The following GOLGA8J variants were observed in gnomAD, a reference collection of about 807,000 sequenced individuals.
The protein encoded by GOLGA8J is golgin subfamily A member 8J.
GOLGA8J carries 19 observed loss-of-function variants against 67.7 expected under a neutral mutation model. The ratio of observed to expected loss-of-function variants is 0.28; its 90% CI spans 0.20 to 0.41. GOLGA8J has a LOEUF of 0.41. Ranked by LOEUF, GOLGA8J falls within the 10% of genes least tolerant of loss-of-function variation. GOLGA8J has a pLI of 1.00. For synonymous variants in GOLGA8J, 69 were observed against 215.9 expected (o/e 0.32, Z 5.97); for missense variants, 205 against 584.3 (o/e 0.35, Z 6.69).
rs910068197 is a variant in GOLGA8J at position 30,092,859 on chromosome 15, G to A, written c.1470-32G>A. Reference sequence around the variant, plus strand: ...GGGGGAGCTACAGGGCCGTCGGAGGGGCCCCAGCGTCTGAGCCCTGTCCTC... The same window carrying A: ...GGGGGAGCTACAGGGCCGTCGGAGGAGCCCCAGCGTCTGAGCCCTGTCCTC... On this transcript the variant is annotated intron_variant, in intron 16 of 18. Coordinates refer to ENST00000567927, the MANE Select transcript of GOLGA8J (RefSeq NM_001282472.2). 5 of 1,385,164 alleles carry A rather than the reference G, an allele frequency of 3.6e-6. 1 individual carries two copies. The South Asian group carries it at 5.8e-5, about 16-fold the overall frequency. 85.8% of individuals were successfully genotyped at this position (1,385,164 alleles called of 1,614,324 possible). A position where few individuals can be genotyped will look rare whatever the true frequency, so the allele number is the denominator to read the frequency against.
rs375319295 is a variant in GOLGA8J at position 30,084,735 on chromosome 15, G to A, written c.49-36G>A. ...GGAGGATGTGGCTGTAGGGGCTGACGGTTCTCATGAGTATTACTGCTCTTC... is the reference window on the plus strand; with the variant it reads ...GGAGGATGTGGCTGTAGGGGCTGACAGTTCTCATGAGTATTACTGCTCTTC... On this transcript the variant is annotated intron_variant, in intron 1 of 18. Transcript: ENST00000567927. The A allele has an allele frequency of 9.4e-5, 83 of 879,616 alleles. 1 individual carries two copies. The African/African-American group carries it at 1.4e-3, about 15-fold the overall frequency. The allele number at this position is 879,616 out of a possible 1,614,324, so 54.5% of individuals were successfully genotyped here. A position where few individuals can be genotyped will look rare whatever the true frequency, so the allele number is the denominator to read the frequency against.
rs771695071 is a variant in GOLGA8J, at chr15:30,089,876, C to T, written c.1051C>T (p.Arg351Trp). 174 of 1,533,584 alleles carry T rather than the reference C, an allele frequency of 1.1e-4. 3 individuals carry two copies. In the African/African-American group the frequency reaches 1.4e-3, roughly 12 times the overall value. 95.0% of individuals were successfully genotyped at this position (1,533,584 alleles called of 1,614,324 possible). ...GATTCGGGAGCAGGAAGAGAGGCTT[C>T]GGAAGCAGGAGGAGAGGATTCAGGA... ...ERIREQEERL[R>W]KQEERIQEQH... is the part of the protein sequence containing the mutation. The change falls in exon 12 of 19, where the codon CGG (arginine) becomes TGG (tryptophan). Residue 351 changes from arginine (R) to tryptophan (W), a missense_variant. Physicochemically the swap from Arg to Trp is moderately radical, Grantham distance 101. Coordinates refer to ENST00000567927, the MANE Select transcript of GOLGA8J (RefSeq NM_001282472.2).
At position 30,092,057 on chromosome 15, in the gene GOLGA8J, A is replaced by G. The variant is rs746067336; in HGVS notation, c.1292A>G (p.His431Arg). The G allele has an allele frequency of 6.3e-7, 1 of 1,598,196 alleles. No individual in the cohort carries two copies. The highest frequency in any genetic ancestry group is 1.4e-5 in the African/African-American group (1 of 71,752). ...CCCCCCACAGGACACGGAGGAGAAC[A>G]TCTGGACAGTGAGGGGGAGGAGGCA... ...ALPGEGHGGE[H>R]LDSEGEEAPR... The change falls in exon 15 of 19, where the codon CAT (histidine) becomes CGT (arginine). Residue 431 changes from histidine (H) to arginine (R), a missense_variant. Physicochemically the swap from His to Arg is conservative, Grantham distance 29. Coordinates refer to ENST00000567927, the MANE Select transcript of GOLGA8J (RefSeq NM_001282472.2).
intron 10 of GOLGA8J, 26 bp downstream of exon 10, chr15:30,089,066 C>G (rs1349951834): frequency 2.6e-5 from 22 of 856,418 alleles, no homozygotes; most frequent in Middle Eastern, 7.1e-4. Context: ...TCAGCCCCCC[C>G]ACATTAGATA....
At chr15:30,088,594 T>G in intron 8 of GOLGA8J, 146 bp from the exon 9 acceptor site, 1 of 811,906 alleles carries the variant, frequency 1.2e-6, no homozygotes, top group South Asian at 1.6e-5. Context: ...TACTGAGTTC[T>G]TTTAAAAACC....
chr15:30,089,267 A>T lies in GOLGA8J; in HGVS notation c.818A>T (p.Asp273Val). 1 of 568,930 alleles carries T rather than the reference A, an allele frequency of 1.8e-6. No homozygotes were observed. The highest frequency in any genetic ancestry group is 2.0e-5 in the South Asian group (1 of 49,176). 35.2% of individuals were successfully genotyped at this position (568,930 alleles called of 1,614,324 possible). A position where few individuals can be genotyped will look rare whatever the true frequency, so the allele number is the denominator to read the frequency against. ...ACATTAAAGAAAGAGAAGCAGCAAG[A>T]TATGCGTCGGGTAGAGAAGCTGGAG... ...ICTLKKEKQQ[D>V]MRRVEKLERS... is the part of the protein sequence containing the mutation. Residue 273 changes from aspartate to valine, a missense_variant, in exon 11 of 19, where the codon GAT becomes GTT. Coordinates refer to ENST00000567927, the MANE Select transcript of GOLGA8J (RefSeq NM_001282472.2).
intron 2 of GOLGA8J, 68 bp downstream of exon 2, chr15:30,084,958 A>G: frequency 1.3e-6 from 2 of 1,481,744 alleles, no homozygotes; most frequent in Non-Finnish European, 1.8e-6. Flanking sequence ...AATTGTTAAG[A>G]TTGTGGATGG....
chr15:30,089,889 A>G lies in GOLGA8J; in HGVS notation c.1064A>G (p.Glu355Gly). The change falls in exon 12 of 19, where the codon GAG becomes GGG. Residue 355 changes from glutamate (E) to glycine (G), a missense_variant. Coordinates refer to ENST00000567927, the MANE Select transcript of GOLGA8J (RefSeq NM_001282472.2). ...EQEERLRKQE[E>G]RIQEQHKSLQ... ...GAAGAGAGGCTTCGGAAGCAGGAGG[A>G]GAGGATTCAGGAGCAGCACAAGAGC... The G allele has an allele frequency of 6.6e-7, 1 of 1,526,536 alleles. No individual in the cohort carries two copies. Among genetic ancestry groups the G allele is most frequent in the South Asian group, 1.2e-5 (1 of 84,108 alleles). 94.6% of individuals were successfully genotyped at this position (1,526,536 alleles called of 1,614,324 possible).
rs1488803174 is a variant in GOLGA8J at position 30,084,836 on chromosome 15, A to C, written c.114A>C (p.Thr38=). The C allele has an allele frequency of 7.3e-7, 1 of 1,378,740 alleles. No individual in the cohort carries two copies. 85.4% of individuals were successfully genotyped at this position (1,378,740 alleles called of 1,614,324 possible). A position where few individuals can be genotyped will look rare whatever the true frequency, so the allele number is the denominator to read the frequency against. Residue 38 remains threonine (T), a synonymous_variant, in exon 2 of 19, where the codon ACA becomes ACC. Coordinates refer to ENST00000567927, the MANE Select transcript of GOLGA8J (RefSeq NM_001282472.2). ...CAGGAGCGAACAGGAACAGGAAAACAAATGGCAGTATCCCTGAGAAAGCCA... is the reference window on the plus strand; with the variant it reads ...CAGGAGCGAACAGGAACAGGAAAACCAATGGCAGTATCCCTGAGAAAGCCA... ...VPAGANRNRK[T]NGSIPEKATS... is the part of the protein sequence containing the mutation.
In GOLGA8J at chr15:30,095,425, T is replaced by C. The variant is rs2057457874; in HGVS notation, c.*1926T>C. On this transcript the variant is annotated 3_prime_UTR_variant, in exon 19 of 19. Coordinates refer to ENST00000567927, the MANE Select transcript of GOLGA8J (RefSeq NM_001282472.2). ...AAATTTTATGAATGTATCAATGTAT[T>C]AGATAAACCCAGTTTCAGAATGATA... is the stretch of plus-strand genomic sequence containing the variant. Among the ~76,000 whole-genome samples, 1 of 145,566 alleles carries C rather than the reference T, an allele frequency of 6.9e-6. No homozygotes were observed. The highest frequency in any genetic ancestry group is 2.6e-5 in the African/African-American group (1 of 38,196).
chr15:30,096,242 G>C lies in GOLGA8J; in HGVS notation c.*2743G>C, dbSNP rs866109300. ...GCAATATATAATAATCATTTTAAAA[G>C]TATTTGATTCAACCTGATAATTTTC... On this transcript the variant is annotated 3_prime_UTR_variant, in exon 19 of 19. Transcript: ENST00000567927. Among the ~76,000 whole-genome samples, 28 of 149,388 alleles carry C rather than the reference G, an allele frequency of 1.9e-4. No individual in the cohort carries two copies. Among genetic ancestry groups the C allele is most frequent in the African/African-American group, 6.7e-4 (27 of 40,144 alleles).
chr15:30,094,177 G>C lies in GOLGA8J; in HGVS notation c.*678G>C, dbSNP rs1184795142. The stretch of plus-strand genomic sequence containing the variant: ...TCCTCTGGCAGGTACGTGCAGGATA[G>C]AGTGTGTTTCATCTGTTCCGGTGCC... On this transcript the variant is annotated 3_prime_UTR_variant, in exon 19 of 19. Coordinates refer to ENST00000567927, the MANE Select transcript of GOLGA8J (RefSeq NM_001282472.2). 6.9e-6 allele frequency among the ~76,000 whole-genome samples: 1 copy of C among 144,542 alleles called. No homozygotes were observed. The highest frequency in any genetic ancestry group is 2.8e-5 in the African/African-American group (1 of 35,748). 94.8% of individuals were successfully genotyped at this position (144,542 alleles called of 152,430 possible).
Position 30,084,776 on chromosome 15 carries a change from AG to A in GOLGA8J, c.55del (p.Glu19AsnfsTer54). 8.9e-7 allele frequency: 1 copy of A among 1,124,524 alleles called. No homozygotes were observed. Among genetic ancestry groups the A allele is most frequent in the East Asian group, 2.7e-5 (1 of 36,820 alleles). The allele number at this position is 1,124,524 out of a possible 1,614,324, so 69.7% of individuals were successfully genotyped here. On this transcript the variant is annotated frameshift_variant, in exon 2 of 19. Coordinates refer to ENST00000567927, the MANE Select transcript of GOLGA8J (RefSeq NM_001282472.2). LOFTEE classifies it high-confidence loss of function. ...ACTGCTCTTCTTTCCAACAGTTAAAAGAATATTGGCAGAAAAACAGCCCTAG... is the reference window on the plus strand; with the variant it reads ...ACTGCTCTTCTTTCCAACAGTTAAAAAATATTGGCAGAAAAACAGCCCTAG... ...KLAAAKKKLK[E>X]YWQKNSPRVP...
Position 30,094,854 on chromosome 15 carries a change from G to T in GOLGA8J, c.*1355G>T, listed in dbSNP as rs1194162412. Among the ~76,000 whole-genome samples, 1 of 139,270 alleles carries T rather than the reference G, an allele frequency of 7.2e-6. No individual in the cohort carries two copies. The highest frequency in any genetic ancestry group is 1.5e-5 in the Non-Finnish European group (1 of 67,106). 91.4% of individuals were successfully genotyped at this position (139,270 alleles called of 152,430 possible). A position where few individuals can be genotyped will look rare whatever the true frequency, so the allele number is the denominator to read the frequency against. On this transcript the variant is annotated 3_prime_UTR_variant, in exon 19 of 19. Coordinates refer to ENST00000567927, the MANE Select transcript of GOLGA8J (RefSeq NM_001282472.2). ...TATTGTACTCTCTTTGAAAATCAAG[G>T]AGAAGTTTATGAAACTTAAAATGTG...
In GOLGA8J at chr15:30,084,871, G is replaced by T. The variant is rs1318025801; in HGVS notation, c.149G>T (p.Gly50Val). 1.1e-5 allele frequency: 16 copies of T among 1,449,156 alleles called. 4 individuals are homozygous for T. The highest frequency in any genetic ancestry group is 6.4e-5 in the African/African-American group (2 of 31,078). 89.8% of individuals were successfully genotyped at this position (1,449,156 alleles called of 1,614,324 possible). Residue 50 changes from glycine to valine, a missense_variant, in exon 2 of 19, where the codon GGT (glycine) becomes GTT (valine). Coordinates refer to ENST00000567927, the MANE Select transcript of GOLGA8J (RefSeq NM_001282472.2). ...ATCCCTGAGAAAGCCACTTCTGGTG[G>T]TTGCCAGCCACCTAGGGATGTGAGT... ...GSIPEKATSG[G>V]CQPPRDSATG...
At chr15:30,092,286 CAG>C (rs1313839861) in intron 15 of GOLGA8J, among the ~76,000 whole-genome samples, 153 bp downstream of exon 15, 151 of 142,984 alleles carry the variant, frequency 1.1e-3, no homozygotes, top group Non-Finnish European at 1.9e-3. Context: ...CTGTGGCCAA[CAG>C]GTGCACTCTC....
intron 2 of GOLGA8J, 99 bp downstream of exon 2, chr15:30,084,989 A>C: frequency 7.3e-7 from 1 of 1,374,020 alleles, no homozygotes; most frequent in Non-Finnish European, 9.4e-7. Context: ...ACTGGTTAAG[A>C]ATTCTGGCTT....
rs2140570133 is a variant in GOLGA8J, at chr15:30,090,233, C to A, written c.1153C>A (p.Leu385Met). 2 of 1,347,340 alleles carry A rather than the reference C, an allele frequency of 1.5e-6. No individual in the cohort carries two copies. Among genetic ancestry groups the A allele is most frequent in the Middle Eastern group, 5.1e-4 (2 of 3,934 alleles). The allele number at this position is 1,347,340 out of a possible 1,614,324, so 83.5% of individuals were successfully genotyped here. ...KEPNNENKNA[L>M]QLEQQVKELQ... ...CCAGAACAATGAGAACAAGAACGCA[C>A]TGCAGTTGGAGCAGCAAGTAAAGGA... The change falls in exon 13 of 19, where the codon CTG becomes ATG. Residue 385 changes from leucine (L) to methionine (M), a missense_variant. Coordinates refer to ENST00000567927, the MANE Select transcript of GOLGA8J (RefSeq NM_001282472.2).
rs1336939342 is a variant in GOLGA8J, at chr15:30,095,521, G to T, written c.*2022G>T. ...GATTTGTAGCCCGTGGGTTTAAAAT[G>T]CACTTAAAGTCCTGTTCTCGCCTTT... is the stretch of plus-strand genomic sequence containing the variant. On this transcript the variant is annotated 3_prime_UTR_variant, in exon 19 of 19. Coordinates refer to ENST00000567927, the MANE Select transcript of GOLGA8J (RefSeq NM_001282472.2). 1.4e-5 allele frequency among the ~76,000 whole-genome samples: 2 copies of T among 141,772 alleles called. No homozygotes were observed. The highest frequency in any genetic ancestry group is 3.0e-5 in the Non-Finnish European group (2 of 66,126). 93.0% of individuals were successfully genotyped at this position (141,772 alleles called of 152,430 possible).
Sources: gnomAD v4.1 joint callset for allele counts (sites outside exome capture counted in the v4.1 genomes callset) on GRCh38, gnomAD v4.1.1 for gene constraint, MANE v1.5 for transcripts, NCBI Gene and HGNC (gene_info 2026-07-23, HGNC 2026-07-21) for gene names.